KLF12: variants seen among roughly 807,000 people sequenced by gnomAD.
The protein encoded by KLF12 is KLF transcription factor 12, also known as Krueppel-like factor 12.
A neutral mutation model predicts 37.8 loss-of-function variants in KLF12; 9 were observed. The observed-to-expected ratio is 0.24, with a 90% CI of 0.14 to 0.42. The LOEUF is 0.42. KLF12 is among the 10% of genes least tolerant of loss of function. KLF12 has a pLI of 1.00. For missense variants in KLF12, 411 were observed against 516.0 expected (o/e 0.80, Z 1.97); for synonymous variants, 208 against 202.1 (o/e 1.03, Z -0.25).
intron 6 of KLF12, among the ~76,000 whole-genome samples, chr13:73,718,189 T>G (rs1875958271): frequency 6.6e-6 from 1 of 152,188 alleles, no homozygotes; most frequent in South Asian, 2.1e-4. Context: ...CTATTTATCT[T>G]GCTATCTGTA....
intron 3 of KLF12, among the ~76,000 whole-genome samples, chr13:73,872,016 G>A (rs1886494013): frequency 6.6e-6 from 1 of 152,150 alleles, no homozygotes; most frequent in South Asian, 2.1e-4. Flanking sequence ...ATCATATTAA[G>A]GCTTGAATCA....
chr13:73,991,244 G>A (rs986804443), intron 2 of KLF12, among the ~76,000 whole-genome samples: 1 of 152,120 alleles, frequency 6.6e-6, no homozygotes, highest in African/African-American at 2.4e-5. Context: ...CTTTTAGTAC[G>A]ATTATATATG....
intron 7 of KLF12, among the ~76,000 whole-genome samples, chr13:73,714,883 C>T (rs1360027052): frequency 6.6e-6 from 1 of 152,176 alleles, no homozygotes; most frequent in South Asian, 2.1e-4. Flanking sequence ...TGTGAATCAA[C>T]TGGAGTTATG....
intron 6 of KLF12, among the ~76,000 whole-genome samples, chr13:73,756,604 C>T (rs189771093): frequency 1.3e-3 from 196 of 152,266 alleles, no homozygotes; most frequent in African/African-American, 4.3e-3. Context: ...ACTACCCTTA[C>T]GAGAGCTTTC....
At chr13:73,928,517 C>T (rs1889511311) in intron 3 of KLF12, among the ~76,000 whole-genome samples, 1 of 152,162 alleles carries the variant, frequency 6.6e-6, no homozygotes, top group African/African-American at 2.4e-5. Flanking sequence ...ACCACAAACA[C>T]TGAATAAGTC....
chr13:74,132,920 C>G (rs1034198942), intron 1 of KLF12, among the ~76,000 whole-genome samples: 1 of 152,212 alleles, frequency 6.6e-6, no homozygotes, highest in Non-Finnish European at 1.5e-5. Flanking sequence ...TGAACACCAA[C>G]TAATGTCGCG....
chr13:73,837,657 C>T lies in KLF12; in HGVS notation c.670+8170G>A, dbSNP rs1423819604. ...TGAAACACTCAAGTCTTATCAAAGC[C>T]TATATTTAATAAACATAAACCAAAT... On this transcript the variant is annotated intron_variant, in intron 4 of 7. Coordinates refer to ENST00000377669, the MANE Select transcript of KLF12 (RefSeq NM_007249.5). Among the ~76,000 whole-genome samples, 8 of 152,256 alleles carry T rather than the reference C, an allele frequency of 5.3e-5. No individual in the cohort carries two copies. The East Asian group carries it at 1.5e-3, about 29-fold the overall frequency.
At chr13:74,272,893 G>A in the KLF12 span, among the ~76,000 whole-genome samples, 1 of 152,098 alleles carries the variant, frequency 6.6e-6, no homozygotes, top group Non-Finnish European at 1.5e-5. Context: ...TATTCTGAGT[G>A]AGATAAACCA....
intron 4 of KLF12, among the ~76,000 whole-genome samples, chr13:73,816,353 G>A (rs575205069): frequency 4.2e-4 from 64 of 152,162 alleles, no homozygotes; most frequent in Middle Eastern, 3.2e-3. Context: ...AACAGGAGAT[G>A]ATCTATAAAC....
intron 1 of KLF12, among the ~76,000 whole-genome samples, chr13:74,019,591 T>C (rs1892788023): frequency 6.6e-6 from 1 of 152,244 alleles, no homozygotes; most frequent in Non-Finnish European, 1.5e-5. Flanking sequence ...TAAAAGTAGG[T>C]AGCAGATCAA....
chr13:74,224,658 C>T, the KLF12 span, among the ~76,000 whole-genome samples: 2 of 152,108 alleles, frequency 1.3e-5, no homozygotes, highest in Non-Finnish European at 2.9e-5. Flanking sequence ...TATGAAAAAG[C>T]TCTCTAACAG....
the KLF12 span, among the ~76,000 whole-genome samples, chr13:74,295,235 C>T: frequency 6.6e-6 from 1 of 152,176 alleles, no homozygotes; most frequent in African/African-American, 2.4e-5. Context: ...CTCTTCCTTT[C>T]CTTTCCAGCC....
At chr13:73,977,672 T>C (rs1464727594) in intron 2 of KLF12, among the ~76,000 whole-genome samples, 2 of 152,182 alleles carry the variant, frequency 1.3e-5, no homozygotes, top group East Asian at 1.9e-4. Flanking sequence ...AATATAATAT[T>C]GAAGAAGAAC....
intron 1 of KLF12, among the ~76,000 whole-genome samples, chr13:74,099,533 C>T (rs190466487): frequency 1.1e-4 from 17 of 152,282 alleles, no homozygotes; most frequent in Admixed American, 9.1e-4. Flanking sequence ...ACTCTCAGGG[C>T]CATTCCTTTA....
chr13:73,925,588 A>G (rs186314512), intron 3 of KLF12, among the ~76,000 whole-genome samples: 3 of 152,326 alleles, frequency 2.0e-5, no homozygotes, highest in African/African-American at 7.2e-5. Context: ...ATTTGCTAAC[A>G]CATCCATTCT....
the KLF12 span, among the ~76,000 whole-genome samples, chr13:74,165,809 T>C: frequency 7.2e-5 from 11 of 152,218 alleles, no homozygotes; most frequent in Non-Finnish European, 1.5e-4. Flanking sequence ...CAGAAGAGAA[T>C]GAGATTATTA....
intron 2 of KLF12, among the ~76,000 whole-genome samples, chr13:73,963,464 T>C (rs1891084536): frequency 6.6e-6 from 1 of 152,158 alleles, no homozygotes; most frequent in Non-Finnish European, 1.5e-5. Context: ...AACCTTAACT[T>C]TTCTATTTAT....
the KLF12 span, among the ~76,000 whole-genome samples, chr13:74,205,469 G>A: frequency 2.0e-5 from 3 of 152,102 alleles, no homozygotes; most frequent in Non-Finnish European, 2.9e-5. Flanking sequence ...AAACTGAAGT[G>A]CATGTGTGAC....
intron 2 of KLF12, among the ~76,000 whole-genome samples, chr13:73,990,685 CAG>C (rs1891943957): frequency 1.3e-5 from 2 of 151,824 alleles, no homozygotes; most frequent in African/African-American, 4.8e-5. Context: ...TTTCAAAAAA[CAG>C]AATTCAAAGT....
Sources: gnomAD v4.1 joint callset for allele counts (sites outside exome capture counted in the v4.1 genomes callset) on GRCh38, gnomAD v4.1.1 for gene constraint, MANE v1.5 for transcripts, NCBI Gene and HGNC (gene_info 2026-07-23, HGNC 2026-07-21) for gene names.